Variants in ITGB1 observed in about 807,000 individuals in gnomAD.
ITGB1 encodes integrin beta-1.
Under a neutral mutation model 86.5 loss-of-function variants are expected in ITGB1, and 24 were observed. The ratio of observed to expected loss-of-function variants is 0.28; its 90% CI spans 0.20 to 0.39. ITGB1 has a LOEUF of 0.39. ITGB1 is among the 10% of genes least tolerant of loss of function. The probability of loss-of-function intolerance (pLI) is 1.00; values close to 1 mark genes in which losing one functional copy is unlikely to be tolerated. For missense variants in ITGB1, 556 were observed against 946.9 expected, an observed-to-expected ratio of 0.59 and a Z score of 5.42; for synonymous variants, 323 against 316.8, an observed-to-expected ratio of 1.02 and a Z score of -0.21.
rs1227078421 is a variant in ITGB1, at chr10:32,939,761, TGAGTGAGA to T, written c.1-4211_1-4204del. ...GTGAGTGAGTGAGTGAGTGAGTGAGTGAGTGAGAGGGGCAAGTGAGTACACTGCACAGA... is the reference window on the plus strand; with the variant it reads ...GTGAGTGAGTGAGTGAGTGAGTGAGTGGGGCAAGTGAGTACACTGCACAGA... On this transcript the variant is annotated intron_variant, in intron 1 of 15. Coordinates refer to ENST00000302278, the MANE Select transcript of ITGB1 (RefSeq NM_002211.4). Among the ~76,000 whole-genome samples, 95 of 121,490 alleles carry T rather than the reference TGAGTGAGA, an allele frequency of 7.8e-4. No homozygotes were observed. In the South Asian group the frequency reaches 0.016, roughly 20 times the overall value. 79.7% of individuals were successfully genotyped at this position (121,490 alleles called of 152,430 possible). A position where few individuals can be genotyped will look rare whatever the true frequency, so the allele number is the denominator to read the frequency against.
intron 11 of ITGB1, among the ~76,000 whole-genome samples, chr10:32,913,252 C>A (rs1375185801): frequency 2.0e-5 from 3 of 152,122 alleles, no homozygotes; most frequent in African/African-American, 7.2e-5. Context: ...AATTTGAGCA[C>A]CTCTTCTCCT....
Position 32,911,880 on chromosome 10 carries a change from A to C in ITGB1, c.1708+6T>G. The C allele has an allele frequency of 6.2e-7, 1 of 1,603,212 alleles. No homozygotes were observed. Among genetic ancestry groups the C allele is most frequent in the Non-Finnish European group, 8.5e-7 (1 of 1,173,204 alleles). Reference sequence around the variant, plus strand: ...ATCTTACAACCACTTCAGGCCCTTTACTTACCTCCACAAATTAAGCCATTG... The same window carrying C: ...ATCTTACAACCACTTCAGGCCCTTTCCTTACCTCCACAAATTAAGCCATTG... On this transcript the variant is annotated splice_donor_region_variant and intron_variant, in intron 12 of 15. Transcript: ENST00000302278.
intron 15 of ITGB1, chr10:32,907,117 A>C: frequency 1.5e-6 from 2 of 1,348,250 alleles, no homozygotes; most frequent in Non-Finnish European, 2.0e-6. Context: ...AATTATTAAT[A>C]GGACTCTTGT....
intron 15 of ITGB1, among the ~76,000 whole-genome samples, chr10:32,903,930 T>A (rs2094889361): frequency 6.6e-6 from 1 of 151,366 alleles, no homozygotes; most frequent in Non-Finnish European, 1.5e-5. Context: ...TAAATTAGCA[T>A]CTAATTAAAT....
chr10:32,935,317 G>A (rs577773561), intron 2 of ITGB1, among the ~76,000 whole-genome samples, 175 bp downstream of exon 2: 16 of 152,280 alleles, frequency 1.1e-4, no homozygotes, highest in Non-Finnish European at 1.8e-4. Flanking sequence ...TGGCAGGGGT[G>A]AGGGGAGCCT....
At chr10:32,901,854 G>A (rs1006599928) in intron 15 of ITGB1, among the ~76,000 whole-genome samples, 2 of 152,124 alleles carry the variant, frequency 1.3e-5, no homozygotes, top group African/African-American at 4.8e-5. Context: ...CCCGTTATCT[G>A]GTGCTATTTC....
At chr10:32,932,752 C>A in intron 2 of ITGB1, 152 bp from the exon 3 acceptor site, 1 of 547,242 alleles carries the variant, frequency 1.8e-6, no homozygotes, top group Non-Finnish European at 3.3e-6. Flanking sequence ...CCAAAGAGAG[C>A]AGGATTTTTT....
chr10:32,934,345 A>G (rs1487420786), intron 2 of ITGB1, among the ~76,000 whole-genome samples: 1 of 152,226 alleles, frequency 6.6e-6, no homozygotes, highest in Non-Finnish European at 1.5e-5. Context: ...CATTGTATTA[A>G]GTATTACAGG....
At chr10:32,904,784 A>G (rs2094891615) in intron 15 of ITGB1, among the ~76,000 whole-genome samples, 1 of 152,230 alleles carries the variant, frequency 6.6e-6, no homozygotes, top group African/African-American at 2.4e-5. Flanking sequence ...AATAATGCAT[A>G]GAGAAATTTT....
intron 15 of ITGB1, 50 bp from the exon 16 acceptor site, chr10:32,901,685 A>ATTCTACATAAT: frequency 2.6e-6 from 3 of 1,165,978 alleles, no homozygotes; most frequent in Non-Finnish European, 3.8e-6. Context: ...TACTAAAATT[A>ATTCTACATAAT]TGTAGAATAA....
Position 32,922,335 on chromosome 10 carries a change from G to A in ITGB1, c.1050C>T (p.Asn350=). 1.9e-6 allele frequency: 3 copies of A among 1,606,184 alleles called. No individual in the cohort carries two copies. Among genetic ancestry groups the A allele is most frequent in the Non-Finnish European group, 2.6e-6 (3 of 1,175,210 alleles). ...TTCCTACTGCTGACTTAGGGATCAAGTTTTTCAGCTCCTGCAATTAAAAGA... is the reference window on the plus strand; with the variant it reads ...TTCCTACTGCTGACTTAGGGATCAAATTTTTCAGCTCCTGCAATTAAAAGA... ...EFQPVYKELK[N]LIPKSAVGTL... The change falls in exon 9 of 16, where the codon AAC becomes AAT. Residue 350 remains asparagine (N), a synonymous_variant. Transcript: ENST00000302278.
intron 1 of ITGB1, among the ~76,000 whole-genome samples, chr10:32,952,601 C>T (rs959585822): frequency 6.6e-6 from 1 of 152,148 alleles, no homozygotes; most frequent in Non-Finnish European, 1.5e-5. Context: ...AAGTTATTTA[C>T]ATATTCATTC....
chr10:32,910,144 T>C (rs1414961000), intron 14 of ITGB1, 79 bp downstream of exon 14: 1 of 1,040,024 alleles, frequency 9.6e-7, no homozygotes, highest in African/African-American at 1.6e-5. Flanking sequence ...TGGAGGCTGT[T>C]TCTGGATGTT....
rs192332536 is a variant in ITGB1 at position 32,921,822 on chromosome 10, C to A, written c.1128+435G>T. Among the ~76,000 whole-genome samples the A allele has an allele frequency of 2.0e-5, 3 of 151,916 alleles. No individual in the cohort carries two copies. The East Asian group carries it at 5.8e-4, about 29-fold the overall frequency. On this transcript the variant is annotated intron_variant, in intron 9 of 15. Coordinates refer to ENST00000302278, the MANE Select transcript of ITGB1 (RefSeq NM_002211.4). ...AGTGTGTACCTCCTGAAATAGAAACCCATATCCTCTGAATATATGGGAAGA... is the reference window on the plus strand; with the variant it reads ...AGTGTGTACCTCCTGAAATAGAAACACATATCCTCTGAATATATGGGAAGA...
At position 32,934,046 on chromosome 10, in the gene ITGB1, T is replaced by C. The variant is rs2094992773; in HGVS notation, c.67+1446A>G. On this transcript the variant is annotated intron_variant, in intron 2 of 15. Coordinates refer to ENST00000302278, the MANE Select transcript of ITGB1 (RefSeq NM_002211.4). The stretch of plus-strand genomic sequence containing the variant: ...ATACACATGCTGATGATCTTATATA[T>C]AAACCTTAGTACACATCTGATTATT... Among the ~76,000 whole-genome samples the C allele has an allele frequency of 5.9e-5, 9 of 152,306 alleles. 1 individual carries two copies. The South Asian group carries it at 1.9e-3, about 32-fold the overall frequency.
intron 15 of ITGB1, among the ~76,000 whole-genome samples, chr10:32,902,971 GT>G (rs1476146568): frequency 6.6e-6 from 1 of 152,122 alleles, no homozygotes; most frequent in Non-Finnish European, 1.5e-5. Context: ...AAAATTATTG[GT>G]TGGTAAATAG....
chr10:32,912,777 CT>C (rs2137174518), intron 11 of ITGB1, among the ~76,000 whole-genome samples: 1 of 152,378 alleles, frequency 6.6e-6, no homozygotes, highest in South Asian at 2.1e-4. Flanking sequence ...CTTCTGCAGA[CT>C]TAAACATCCG....
At chr10:32,948,235 G>A (rs2095035846) in intron 1 of ITGB1, among the ~76,000 whole-genome samples, 1 of 152,028 alleles carries the variant, frequency 6.6e-6, no homozygotes, top group African/African-American at 2.4e-5. Flanking sequence ...TATTTAATGT[G>A]CTTTCTAACA....
chr10:32,927,969 G>A, intron 5 of ITGB1, 125 bp downstream of exon 5: 1 of 577,878 alleles, frequency 1.7e-6, no homozygotes, highest in Non-Finnish European at 3.0e-6. Flanking sequence ...CTCAGAAAAG[G>A]CTAAAAAACT....
Sources: gnomAD v4.1 joint callset for allele counts (sites outside exome capture counted in the v4.1 genomes callset) on GRCh38, gnomAD v4.1.1 for gene constraint, MANE v1.5 for transcripts, NCBI Gene and HGNC (gene_info 2026-07-23, HGNC 2026-07-21) for gene names.